The following TSPAN32 variants were observed in gnomAD, a reference collection of about 807,000 sequenced individuals.
The protein encoded by TSPAN32 is tetraspanin-32.
TSPAN32 carries 47 observed loss-of-function variants against 42.7 expected under a neutral mutation model. The ratio of observed to expected loss-of-function variants is 1.10; its 90% CI spans 0.87 to 1.40. The LOEUF is 1.40. TSPAN32 is among the 40% of genes most tolerant of loss of function. The pLI is 0.00. For synonymous variants in TSPAN32, 175 were observed against 175.9 expected (o/e 0.99, Z 0.04); for missense variants, 469 against 424.1 (o/e 1.11, Z -0.93).
intron 4 of TSPAN32, among the ~76,000 whole-genome samples, chr11:2,311,724 T>A (rs1848470553): frequency 6.6e-6 from 1 of 152,194 alleles, no homozygotes; most frequent in Non-Finnish European, 1.5e-5. Context: ...GATCTGGTCA[T>A]GGGGAAAAGC....
Position 2,313,777 on chromosome 11 carries a change from T to C in TSPAN32, c.456+22T>C. On this transcript the variant is annotated intron_variant, in intron 5 of 9. Coordinates refer to ENST00000182290, the MANE Select transcript of TSPAN32 (RefSeq NM_139022.3). This position sits in a 1 kb window ranked among gnomAD's most constrained non-coding sequence, Gnocchi z 9.1. ...CGTGGTGAGCGTGGGGACGGCTGGG[T>C]GGCAGGGCGGTCAGCTTCTGCTTGG... is the stretch of plus-strand genomic sequence containing the variant. 1 of 1,559,628 alleles carries C rather than the reference T, an allele frequency of 6.4e-7. No individual in the cohort carries two copies. The highest frequency in any genetic ancestry group is 8.7e-7 in the Non-Finnish European group (1 of 1,154,266).
chr11:2,305,403 G>A (rs1564956349), intron 3 of TSPAN32, among the ~76,000 whole-genome samples: 1 of 148,162 alleles, frequency 6.7e-6, no homozygotes, highest in Non-Finnish European at 1.5e-5. Flanking sequence ...GGCCTGCAAA[G>A]GGACACCTGG....
chr11:2,317,727 A>T lies in TSPAN32; in HGVS notation c.902-136A>T. 6.6e-7 allele frequency: 1 copy of T among 1,512,222 alleles called. No homozygotes were observed. Among genetic ancestry groups the T allele is most frequent in the Non-Finnish European group, 8.8e-7 (1 of 1,139,418 alleles). 93.7% of individuals were successfully genotyped at this position (1,512,222 alleles called of 1,614,324 possible). On this transcript the variant is annotated intron_variant, in intron 9 of 9. Coordinates refer to ENST00000182290, the MANE Select transcript of TSPAN32 (RefSeq NM_139022.3). The surrounding 1 kb of genome is among the most constrained non-coding windows in gnomAD (Gnocchi z 6.2). ...GAAACCACACTGGAGGCAGCAGCCC[A>T]GGGCAGACTGCAAGACACTGGTGGC...
chr11:2,312,334 C>A (rs1238658210), intron 4 of TSPAN32, among the ~76,000 whole-genome samples: 2 of 152,212 alleles, frequency 1.3e-5, no homozygotes, highest in Non-Finnish European at 2.9e-5. Context: ...AGGCCAGACT[C>A]CACCCCCATT....
At chr11:2,314,997 G>A (rs1326721497) in intron 6 of TSPAN32, 3 of 291,348 alleles carry the variant, frequency 1.0e-5, no homozygotes, top group Non-Finnish European at 2.0e-5. Context: ...GTCCTGGGGG[G>A]CATCAGAAGG....
chr11:2,315,507 G>C (rs1423403999), intron 6 of TSPAN32: 16 of 1,157,496 alleles, frequency 1.4e-5, no homozygotes, highest in Non-Finnish European at 1.6e-5. Context: ...CAGGGCCATG[G>C]GCCCGACTGC....
chr11:2,304,618 C>A lies in TSPAN32; in HGVS notation c.279+414C>A, dbSNP rs1391165068. Among the ~76,000 whole-genome samples, 1 of 152,070 alleles carries A rather than the reference C, an allele frequency of 6.6e-6. No homozygotes were observed. The highest frequency in any genetic ancestry group is 1.5e-5 in the Non-Finnish European group (1 of 68,000). ...CACTGGGAGCATCCCATTTCCTGTT[C>A]GGAGGAGGCCGGGCCAGGCTCAGGA... On this transcript the variant is annotated intron_variant, in intron 3 of 9. Coordinates refer to ENST00000182290, the MANE Select transcript of TSPAN32 (RefSeq NM_139022.3). This position sits in a 1 kb window ranked among gnomAD's most constrained non-coding sequence, Gnocchi z 4.8.
rs749508481 is a variant in TSPAN32 at position 2,316,681 on chromosome 11, C to A, written c.719+14C>A. 13 of 1,520,040 alleles carry A rather than the reference C, an allele frequency of 8.6e-6. No individual in the cohort carries two copies. The highest frequency in any genetic ancestry group is 1.1e-5 in the Non-Finnish European group (12 of 1,133,604). The allele number at this position is 1,520,040 out of a possible 1,614,324, so 94.2% of individuals were successfully genotyped here. On this transcript the variant is annotated intron_variant, in intron 8 of 9. Coordinates refer to ENST00000182290, the MANE Select transcript of TSPAN32 (RefSeq NM_139022.3). ...CCTGACCCCACGGTAGGGCCCCCTGCCTGCCCCCACACCCTCTGGAAGGGT... is the reference window on the plus strand; with the variant it reads ...CCTGACCCCACGGTAGGGCCCCCTGACTGCCCCCACACCCTCTGGAAGGGT...
intron 4 of TSPAN32, chr11:2,309,639 C>T (rs545373281): frequency 5.6e-5 from 16 of 283,978 alleles, no homozygotes; most frequent in East Asian, 4.7e-4. Flanking sequence ...CTAGTGGCCT[C>T]GTGTATTCAA....
intron 4 of TSPAN32, among the ~76,000 whole-genome samples, chr11:2,312,609 C>T (rs1200416626): frequency 6.6e-6 from 1 of 152,224 alleles, no homozygotes; most frequent in Non-Finnish European, 1.5e-5. Flanking sequence ...CCTCCACTGC[C>T]CACTGCCCGC....
At chr11:2,307,812 G>C (rs558318540) in intron 3 of TSPAN32, among the ~76,000 whole-genome samples, 1 of 152,142 alleles carries the variant, frequency 6.6e-6, no homozygotes, top group South Asian at 2.1e-4. Flanking sequence ...GTGGTTGGCC[G>C]GGCCATGGAG....
chr11:2,310,938 G>A (rs1848425040), intron 4 of TSPAN32, among the ~76,000 whole-genome samples: 1 of 152,150 alleles, frequency 6.6e-6, no homozygotes, highest in South Asian at 2.1e-4. Flanking sequence ...AGAGCCGAAT[G>A]GGCTTCAACC....
intron 3 of TSPAN32, chr11:2,306,842 A>AGAGGGAGAGGGG (rs1848128400): frequency 2.0e-4 from 1 of 5,010 alleles, no homozygotes; most frequent in African/African-American, 3.9e-4. Context: ...AGGGGGAGGG[A>AGAGGGAGAGGGG]GAGGGAGGGG....
intron 4 of TSPAN32, among the ~76,000 whole-genome samples, chr11:2,309,094 C>A (rs1001214626): frequency 6.6e-6 from 1 of 152,126 alleles, no homozygotes; most frequent in Non-Finnish European, 1.5e-5. Flanking sequence ...AGCCCACCCC[C>A]TCCTGAGCTG....
intron 6 of TSPAN32, 175 bp from the exon 7 acceptor site, chr11:2,316,054 T>A (rs1369474036): frequency 6.5e-7 from 1 of 1,534,212 alleles, no homozygotes; most frequent in African/African-American, 1.4e-5. Context: ...CTTCACCTGC[T>A]CGTGCTGCCT....
Position 2,315,547 on chromosome 11 carries a change from CA to C in TSPAN32, c.544-681del. The C allele has an allele frequency of 2.6e-6, 3 of 1,168,820 alleles. No homozygotes were observed. The South Asian group carries it at 5.1e-5, about 20-fold the overall frequency. The allele number at this position is 1,168,820 out of a possible 1,614,324, so 72.4% of individuals were successfully genotyped here. ...CCTCCTGGGGAGCCGGAAGAGCCAG[CA>C]CAGGCGGCAGGCACGGAGCCACCCA... is the stretch of plus-strand genomic sequence containing the variant. On this transcript the variant is annotated intron_variant, in intron 6 of 9. Transcript: ENST00000182290.
At chr11:2,316,390 G>A in intron 7 of TSPAN32, 78 bp downstream of exon 7, 1 of 1,546,446 alleles carries the variant, frequency 6.5e-7, no homozygotes, top group Non-Finnish European at 8.7e-7. Context: ...AGATGGAAGG[G>A]TGACCCGGGA....
At chr11:2,307,730 C>T (rs547271821) in intron 3 of TSPAN32, among the ~76,000 whole-genome samples, 3 of 152,190 alleles carry the variant, frequency 2.0e-5, no homozygotes, top group African/African-American at 7.2e-5. Flanking sequence ...GGGGCGGGTG[C>T]GCAGACGTTT....
At chr11:2,302,389 G>C (rs2234290) in intron 1 of TSPAN32, among the ~76,000 whole-genome samples, 174 bp downstream of exon 1, 2 of 152,022 alleles carry the variant, frequency 1.3e-5, no homozygotes, top group Non-Finnish European at 2.9e-5. Flanking sequence ...AGGCAGGCAG[G>C]GACCACCATG....
Sources: gnomAD v4.1 joint callset for allele counts (sites outside exome capture counted in the v4.1 genomes callset) on GRCh38, gnomAD v4.1.1 for gene constraint, Gnocchi (gnomAD v3.1) non-coding constraint, MANE v1.5 for transcripts, NCBI Gene and HGNC (gene_info 2026-07-23, HGNC 2026-07-21) for gene names.